The following TNFRSF10B variants were observed in gnomAD, a reference collection of about 807,000 sequenced individuals.
The protein encoded by TNFRSF10B is TNF receptor superfamily member 10b.
TNFRSF10B carries 35 observed loss-of-function variants against 41.4 expected under a neutral mutation model. The observed-to-expected ratio is 0.85, with a 90% CI of 0.65 to 1.12. The LOEUF is 1.12. Ranked by LOEUF, TNFRSF10B falls within the 50% of genes most tolerant of loss-of-function variation. The pLI is 0.00. For missense variants in TNFRSF10B, 584 were observed against 552.7 expected (o/e 1.06, Z -0.57); for synonymous variants, 230 against 215.5 (o/e 1.07, Z -0.59).
Position 23,022,741 on chromosome 8 carries a change from A to G in TNFRSF10B, c.1253T>C (p.Ile418Thr), listed in dbSNP as rs745771786. The G allele has an allele frequency of 6.8e-6, 11 of 1,613,834 alleles. No homozygotes were observed. Among genetic ancestry groups the G allele is most frequent in the East Asian group, 2.2e-5 (1 of 44,870 alleles). Residue 418 changes from isoleucine (I) to threonine (T), a missense_variant, in exon 9 of 9, where the codon ATT becomes ACT. Coordinates refer to ENST00000276431, the MANE Select transcript of TNFRSF10B (RefSeq NM_003842.5). ...TCCAGAGCTCAACAAGTGGTCCTCA[A>G]TCTTCTGCTTGGCAAGTCTCTCTCC... ...TLGERLAKQK[I>T]EDHLLSSGKF...
intron 2 of TNFRSF10B, among the ~76,000 whole-genome samples, chr8:23,032,515 T>C (rs1372631450): frequency 6.6e-6 from 1 of 150,916 alleles, no homozygotes; most frequent in East Asian, 2.0e-4. Flanking sequence ...AATAAGTCTT[T>C]TTAATTCCAT....
chr8:23,027,901 CAG>C (rs1334949248), intron 5 of TNFRSF10B, 148 bp from the exon 6 acceptor site: 2 of 849,440 alleles, frequency 2.4e-6, no homozygotes, highest in East Asian at 2.6e-5. Flanking sequence ...CCTTACAACT[CAG>C]AGACACCCTG....
In TNFRSF10B at chr8:23,062,743, A is replaced by G. The variant is rs186436339; in HGVS notation, c.144+6008T>C. 1.9e-3 allele frequency among the ~76,000 whole-genome samples: 288 copies of G among 152,294 alleles called. 4 individuals are homozygous for G. The South Asian group carries it at 0.024, about 13-fold the overall frequency. On this transcript the variant is annotated intron_variant, in intron 1 of 8. Coordinates refer to ENST00000276431, the MANE Select transcript of TNFRSF10B (RefSeq NM_003842.5). ...CTTTTCTGTCTGGTTTCTTTAACTC[A>G]GCATAATTATTTTGAAATTCGGTCA...
intron 2 of TNFRSF10B, among the ~76,000 whole-genome samples, chr8:23,035,729 T>G (rs898265342): frequency 1.6e-4 from 25 of 152,086 alleles, no homozygotes; most frequent in African/African-American, 6.0e-4. Context: ...AAAGATAAAT[T>G]GTTGTATCTG....
intron 7 of TNFRSF10B, among the ~76,000 whole-genome samples, 172 bp from the exon 8 acceptor site, chr8:23,024,432 C>T (rs1001058887): frequency 1.3e-5 from 2 of 151,802 alleles, no homozygotes; most frequent in African/African-American, 2.4e-5. Context: ...GGAAGGAGGC[C>T]GATACAGCAG....
At chr8:23,039,122 A>T (rs184456170) in intron 2 of TNFRSF10B, among the ~76,000 whole-genome samples, 4 of 151,794 alleles carry the variant, frequency 2.6e-5, no homozygotes, top group African/African-American at 9.7e-5. Context: ...CGCAACCTAG[A>T]TCTCTCAAAT....
intron 1 of TNFRSF10B, among the ~76,000 whole-genome samples, chr8:23,059,593 G>A (rs1015459573): frequency 2.0e-5 from 3 of 152,258 alleles, no homozygotes; most frequent in Middle Eastern, 3.4e-3. Flanking sequence ...TGCAAGCTCC[G>A]CCTCCTGGGT....
Position 23,021,104 on chromosome 8 carries a change from A to G in TNFRSF10B, c.*1567T>C, listed in dbSNP as rs749341238. 1.3e-5 allele frequency: 6 copies of G among 454,040 alleles called. No individual in the cohort carries two copies. The highest frequency in any genetic ancestry group is 2.2e-5 in the Non-Finnish European group (5 of 226,804). The allele number at this position is 454,040 out of a possible 1,614,324, so 28.1% of individuals were successfully genotyped here. A position where few individuals can be genotyped will look rare whatever the true frequency, so the allele number is the denominator to read the frequency against. On this transcript the variant is annotated 3_prime_UTR_variant, in exon 9 of 9. Transcript: ENST00000276431. ...GAAAAGACCAAAAACTCCTGGAATG[A>G]CTACCTGCATAAATGATCCTTCCAT...
At chr8:23,045,357 CACAT>C (rs1812329233) in intron 1 of TNFRSF10B, among the ~76,000 whole-genome samples, 1 of 152,114 alleles carries the variant, frequency 6.6e-6, no homozygotes, top group Non-Finnish European at 1.5e-5. Context: ...AATTTCTAGA[CACAT>C]ACAACCTACC....
intron 1 of TNFRSF10B, among the ~76,000 whole-genome samples, chr8:23,056,127 A>AT (rs1273100936): frequency 6.6e-6 from 1 of 152,226 alleles, no homozygotes; most frequent in Non-Finnish European, 1.5e-5. Context: ...TAAAAGTAGA[A>AT]TTACCAGATG....
intron 1 of TNFRSF10B, among the ~76,000 whole-genome samples, chr8:23,066,602 A>G (rs936010783): frequency 6.6e-6 from 1 of 152,138 alleles, no homozygotes; most frequent in Non-Finnish European, 1.5e-5. Flanking sequence ...ATGGCTGAAA[A>G]TCTTCCAAGT....
chr8:23,067,542 C>T (rs532395273), intron 1 of TNFRSF10B, among the ~76,000 whole-genome samples: 1 of 152,254 alleles, frequency 6.6e-6, no homozygotes, highest in Admixed American at 6.5e-5. Flanking sequence ...AGATCCACCA[C>T]CCAAAGAGAG....
intron 1 of TNFRSF10B, among the ~76,000 whole-genome samples, chr8:23,047,231 C>T (rs1398268780): frequency 6.7e-6 from 1 of 148,864 alleles, no homozygotes; most frequent in Non-Finnish European, 1.5e-5. Context: ...GTGGCATGCA[C>T]CGGTAATCCC....
At position 23,028,597 on chromosome 8, in the gene TNFRSF10B, G is replaced by A. The variant is rs1356037788; in HGVS notation, c.482C>T (p.Pro161Leu). The change falls in exon 5 of 9, where the codon CCC becomes CTC. Residue 161 changes from proline to leucine, a missense_variant. Transcript: ENST00000276431. The part of the protein sequence containing the change: ...EMCRKCRTGC[P>L]RGMVKVGDCT... ...ATCACCGACCTTGACCATCCCTCTG[G>A]GACACCTGGGTACACACACAGAGGG... 1 of 1,613,990 alleles carries A rather than the reference G, an allele frequency of 6.2e-7. No homozygotes were observed.
chr8:23,068,703 G>C, intron 1 of TNFRSF10B, 48 bp downstream of exon 1: 1 of 1,544,608 alleles, frequency 6.5e-7, no homozygotes, highest in Non-Finnish European at 8.7e-7. Context: ...GCCCTCTCCA[G>C]GCGCCAGGCA....
Position 23,021,340 on chromosome 8 carries a change from A to T in TNFRSF10B, c.*1331T>A. 2 of 454,114 alleles carry T rather than the reference A, an allele frequency of 4.4e-6. No individual in the cohort carries two copies. Among genetic ancestry groups the T allele is most frequent in the Non-Finnish European group, 8.8e-6 (2 of 226,792 alleles). The allele number at this position is 454,114 out of a possible 1,614,324, so 28.1% of individuals were successfully genotyped here. ...TCCTCAAGTAGGCAATCTGTACCCT[A>T]AAAGGCAGCTCATGGGCTCAGGGTG... On this transcript the variant is annotated 3_prime_UTR_variant, in exon 9 of 9. Transcript: ENST00000276431.
chr8:23,059,894 G>C (rs1422236140), intron 1 of TNFRSF10B, among the ~76,000 whole-genome samples: 1 of 152,184 alleles, frequency 6.6e-6, no homozygotes, highest in Non-Finnish European at 1.5e-5. Context: ...CTAATGATTA[G>C]TGATTAAAGT....
In TNFRSF10B at chr8:23,020,544, TAGCC is replaced by T. The variant is rs1377930399; in HGVS notation, c.*2123_*2126del. 2 of 444,912 alleles carry T rather than the reference TAGCC, an allele frequency of 4.5e-6. No individual in the cohort carries two copies. The highest frequency in any genetic ancestry group is 9.0e-6 in the Non-Finnish European group (2 of 221,252). The allele number at this position is 444,912 out of a possible 1,614,324, so 27.6% of individuals were successfully genotyped here. ...CCGTCTCTACTAAAAATACAAAAAT[TAGCC>T]AGGCGTGGTGGCGGGTGCCTGCAAT... On this transcript the variant is annotated 3_prime_UTR_variant, in exon 9 of 9. Transcript: ENST00000276431.
At chr8:23,032,930 A>T (rs901581431) in intron 2 of TNFRSF10B, among the ~76,000 whole-genome samples, 2 of 152,246 alleles carry the variant, frequency 1.3e-5, no homozygotes, top group Admixed American at 6.5e-5. Context: ...TCAAATGGAC[A>T]AAAGCCCAAC....
Sources: allele counts gnomAD v4.1 joint callset (sites outside exome capture counted in the v4.1 genomes callset), GRCh38; gene constraint gnomAD v4.1.1; transcripts MANE v1.5; gene names NCBI Gene and HGNC (gene_info 2026-07-23, HGNC 2026-07-21).